Variants in ROBO1 observed in about 807,000 individuals in gnomAD.
The protein encoded by ROBO1 is roundabout homolog 1.
Under a neutral mutation model 195.9 loss-of-function variants are expected in ROBO1, and 149 were observed. The ratio of observed to expected loss-of-function variants is 0.76; its 90% CI spans 0.67 to 0.87. The LOEUF (loss-of-function observed/expected upper bound fraction) is 0.87. Ranked by LOEUF, ROBO1 falls within the 40% of genes least tolerant of loss-of-function variation. The pLI is 0.00. For synonymous variants in ROBO1, 816 were observed against 733.2 expected (o/e 1.11, Z -1.82); for missense variants, 1,933 against 2,068.3 (o/e 0.93, Z 1.27).
chr3:78,944,397 C>T (rs548211667), intron 3 of ROBO1, among the ~76,000 whole-genome samples: 1 of 152,218 alleles, frequency 6.6e-6, no homozygotes. Flanking sequence ...TGTGAGGACA[C>T]AGAAGGCAGC....
intron 4 of ROBO1, among the ~76,000 whole-genome samples, chr3:78,802,773 C>CT (rs1427896292): frequency 1.3e-5 from 2 of 151,884 alleles, no homozygotes; most frequent in Non-Finnish European, 2.9e-5. Flanking sequence ...AACAATAAGA[C>CT]TTTACATTTT....
At chr3:79,735,538 G>A (rs181252917) in intron 1 of ROBO1, among the ~76,000 whole-genome samples, 39 of 152,262 alleles carry the variant, frequency 2.6e-4, no homozygotes, top group African/African-American at 9.1e-4. Flanking sequence ...ATGTCTTGAG[G>A]ATATTACTGT....
chr3:79,111,205 C>T (rs567607505), intron 3 of ROBO1, among the ~76,000 whole-genome samples: 2 of 152,292 alleles, frequency 1.3e-5, no homozygotes, highest in Admixed American at 1.3e-4. Context: ...TCTCTTTTGT[C>T]TAATAGCCAT....
intron 4 of ROBO1, among the ~76,000 whole-genome samples, chr3:78,859,841 G>A (rs2034680390): frequency 6.6e-6 from 1 of 152,162 alleles, no homozygotes; most frequent in Non-Finnish European, 1.5e-5. Flanking sequence ...AGCACTTTGG[G>A]AGGCCAAGGC....
At chr3:78,797,955 G>A (rs2084235635) in intron 4 of ROBO1, among the ~76,000 whole-genome samples, 1 of 152,128 alleles carries the variant, frequency 6.6e-6, no homozygotes, top group Non-Finnish European at 1.5e-5. Flanking sequence ...ATGCTATCAG[G>A]TATTAGATAT....
chr3:78,722,914 C>G lies in ROBO1; in HGVS notation c.658-5031G>C, dbSNP rs549867509. On this transcript the variant is annotated intron_variant, in intron 5 of 30. Transcript: ENST00000464233. ...ATGATGAAATAAACCATATAAAGCA[C>G]TTAGAAAAATGCCTGCACATTATTA... 2.3e-4 allele frequency among the ~76,000 whole-genome samples: 35 copies of G among 150,452 alleles called. No homozygotes were observed. In the South Asian group the frequency reaches 7.1e-3, roughly 31 times the overall value.
chr3:79,409,793 G>T (rs1227455700), intron 2 of ROBO1, among the ~76,000 whole-genome samples: 4 of 152,094 alleles, frequency 2.6e-5, no homozygotes, highest in Non-Finnish European at 5.9e-5. Flanking sequence ...ATATCTTATA[G>T]CTCAGTCACC....
At chr3:79,484,206 G>A (rs1939023759) in intron 2 of ROBO1, among the ~76,000 whole-genome samples, 1 of 152,062 alleles carries the variant, frequency 6.6e-6, no homozygotes, top group African/African-American at 2.4e-5. Flanking sequence ...TGTAAAGTGG[G>A]GTGATACATG....
At chr3:79,007,445 G>A (rs770895459) in intron 3 of ROBO1, among the ~76,000 whole-genome samples, 16 of 152,066 alleles carry the variant, frequency 1.1e-4, no homozygotes, top group Admixed American at 2.0e-4. Flanking sequence ...CCGCCCAAGG[G>A]ATTCTCTGAT....
intron 2 of ROBO1, among the ~76,000 whole-genome samples, chr3:79,378,652 T>C (rs1193838238): frequency 6.6e-6 from 1 of 152,240 alleles, no homozygotes; most frequent in African/African-American, 2.4e-5. Context: ...TAGGCTCCCT[T>C]GAGGGAGTGC....
At chr3:78,638,586 T>C (rs940261531) in intron 22 of ROBO1, among the ~76,000 whole-genome samples, 10 of 152,168 alleles carry the variant, frequency 6.6e-5, no homozygotes, top group African/African-American at 2.4e-4. Flanking sequence ...TTAAAAATTA[T>C]ATGCCAGGCA....
intron 3 of ROBO1, chr3:79,018,616 C>T: frequency 1.4e-6 from 2 of 1,457,874 alleles, no homozygotes; most frequent in South Asian, 2.8e-5. Flanking sequence ...ACTCGTCGAC[C>T]TTTCCGGACG....
chr3:79,239,179 TAAC>T (rs1177659311), intron 2 of ROBO1, among the ~76,000 whole-genome samples: 1 of 152,026 alleles, frequency 6.6e-6, no homozygotes, highest in East Asian at 1.9e-4. Context: ...AGATAAGTAA[TAAC>T]AACAAATAAC....
At chr3:78,911,215 T>C (rs2038222459) in intron 4 of ROBO1, among the ~76,000 whole-genome samples, 1 of 152,106 alleles carries the variant, frequency 6.6e-6, no homozygotes, top group South Asian at 2.1e-4. Flanking sequence ...TAATAGATAA[T>C]TGCATCCATA....
chr3:78,812,176 T>A (rs2084763473), intron 4 of ROBO1, among the ~76,000 whole-genome samples: 1 of 152,086 alleles, frequency 6.6e-6, no homozygotes, highest in African/African-American at 2.4e-5. Flanking sequence ...CTGGCCTGAA[T>A]CCTCCTACCA....
intron 16 of ROBO1, chr3:78,660,059 T>C (rs537544783): frequency 3.9e-6 from 1 of 255,648 alleles, no homozygotes; most frequent in African/African-American, 2.2e-5. Context: ...TAGCTGGGAT[T>C]ACAGGCACCC....
At chr3:78,740,164 T>A (rs1381628983) in intron 5 of ROBO1, among the ~76,000 whole-genome samples, 1 of 152,104 alleles carries the variant, frequency 6.6e-6, no homozygotes, top group African/African-American at 2.4e-5. Context: ...ATCATCATCA[T>A]CATCATCTCC....
chr3:78,854,916 C>T (rs115466521), intron 4 of ROBO1, among the ~76,000 whole-genome samples: 176 of 152,202 alleles, frequency 1.2e-3, no homozygotes, highest in African/African-American at 4.0e-3. Context: ...TTTATTTGTA[C>T]TTCGATAGAA....
intron 2 of ROBO1, among the ~76,000 whole-genome samples, chr3:79,197,647 T>C (rs2081664288): frequency 6.6e-6 from 1 of 152,120 alleles, no homozygotes; most frequent in Non-Finnish European, 1.5e-5. Flanking sequence ...TAGTTTACAC[T>C]CACACCAACA....
Sources: allele counts gnomAD v4.1 joint callset (sites outside exome capture counted in the v4.1 genomes callset), GRCh38; gene constraint gnomAD v4.1.1; transcripts MANE v1.5; gene names NCBI Gene and HGNC (gene_info 2026-07-23, HGNC 2026-07-21).